VIL1: variants seen among roughly 807,000 people sequenced by gnomAD.
VIL1 encodes villin 1.
Under a neutral mutation model 104.0 loss-of-function variants are expected in VIL1, and 86 were observed. The observed-to-expected ratio is 0.83, with a 90% CI of 0.69 to 0.99. The LOEUF (loss-of-function observed/expected upper bound fraction) is 0.99, where lower values mean the gene tolerates loss of function less well. VIL1 is among the 50% of genes least tolerant of loss of function. VIL1 has a pLI of 0.00. For synonymous variants in VIL1, 394 were observed against 412.6 expected (o/e 0.95, Z 0.55); for missense variants, 944 against 1,054.1 (o/e 0.90, Z 1.45).
intron 1 of VIL1, among the ~76,000 whole-genome samples, chr2:218,420,578 GT>G (rs71064448): frequency 0.86 from 112,762 of 131,106 alleles, 48,002 homozygotes; most frequent in Middle Eastern, 0.92. Context: ...ATGAGTATTT[GT>G]TTTTTTTTTT....
chr2:218,440,269 A>T (rs1689264302), intron 18 of VIL1, among the ~76,000 whole-genome samples: 1 of 151,954 alleles, frequency 6.6e-6, no homozygotes, highest in South Asian at 2.1e-4. Flanking sequence ...ACTAAGCTCT[A>T]TGTTGTTGTT....
chr2:218,448,929 C>T (rs1208646862), intron 19 of VIL1, among the ~76,000 whole-genome samples: 1 of 151,564 alleles, frequency 6.6e-6, no homozygotes, highest in African/African-American at 2.4e-5. Context: ...CACTTGAAAC[C>T]AGGAGGCGGA....
Position 218,437,283 on chromosome 2 carries a change from T to C in VIL1, c.2131T>C (p.Phe711Leu). The C allele has an allele frequency of 1.2e-6, 2 of 1,614,072 alleles. No homozygotes were observed. Among genetic ancestry groups the C allele is most frequent in the East Asian group, 2.2e-5 (1 of 44,892 alleles). The change falls in exon 17 of 20, where the codon TTC becomes CTC. Residue 711 changes from phenylalanine to leucine, a missense_variant. Transcript: ENST00000248444. ...GHEPPTFTGW[F>L]LAWDPFKWSN... ...CGAGCCCCCCACCTTCACAGGCTGG[T>C]TCCTGGCTTGGGATCCCTTCAAGTG...
chr2:218,436,759 AACACCAG>A, intron 16 of VIL1, 133 bp downstream of exon 16: 1 of 1,183,252 alleles, frequency 8.5e-7, no homozygotes, highest in Non-Finnish European at 1.2e-6. Context: ...AAATGGTATG[AACACCAG>A]AAGTGTAAGA....
intron 9 of VIL1, among the ~76,000 whole-genome samples, chr2:218,430,475 G>C (rs192262216): frequency 6.6e-6 from 1 of 152,112 alleles, no homozygotes; most frequent in Admixed American, 6.6e-5. Context: ...TTCGGTATTA[G>C]ATTTGAAGCT....
At chr2:218,439,993 C>T (rs1689260596) in intron 18 of VIL1, among the ~76,000 whole-genome samples, 1 of 152,046 alleles carries the variant, frequency 6.6e-6, no homozygotes, top group Admixed American at 6.6e-5. Flanking sequence ...AGAGCAAGTT[C>T]ACAAGCACAC....
At chr2:218,434,197 C>CAA (rs772237911) in intron 13 of VIL1, among the ~76,000 whole-genome samples, 19 of 92,094 alleles carry the variant, frequency 2.1e-4, no homozygotes, top group African/African-American at 4.4e-4. Flanking sequence ...AACTCCGTCT[C>CAA]AAAAAAAAAA....
In VIL1 at chr2:218,429,833, C is replaced by A; in HGVS notation, c.850-16C>A. ...CACCTCCAGCTCCATCAGACTCTTA[C>A]CTCTCCCGACTCTAGGACTGTTACA... On this transcript the variant is annotated splice_polypyrimidine_tract_variant and intron_variant, in intron 8 of 19. Transcript: ENST00000248444. 1 of 1,610,666 alleles carries A rather than the reference C, an allele frequency of 6.2e-7. No homozygotes were observed. The highest frequency in any genetic ancestry group is 8.5e-7 in the Non-Finnish European group (1 of 1,177,136).
At chr2:218,448,459 G>A (rs1353041316) in intron 19 of VIL1, among the ~76,000 whole-genome samples, 1 of 151,988 alleles carries the variant, frequency 6.6e-6, no homozygotes, top group Non-Finnish European at 1.5e-5. Flanking sequence ...TAGCTACTCA[G>A]GAGGCTGAGG....
chr2:218,428,817 G>A (rs759814703), intron 6 of VIL1, among the ~76,000 whole-genome samples: 2 of 152,130 alleles, frequency 1.3e-5, no homozygotes, highest in Admixed American at 6.5e-5. Context: ...GATTACAGGC[G>A]TGCATCACCA....
rs1037302411 is a variant in VIL1 at position 218,451,447 on chromosome 2, T to A, written c.*2111T>A. 1 of 152,184 alleles carries A rather than the reference T, an allele frequency of 6.6e-6. No homozygotes were observed. Among genetic ancestry groups the A allele is most frequent in the East Asian group, 1.9e-4 (1 of 5,208 alleles). 9.4% of individuals were successfully genotyped at this position (152,184 alleles called of 1,614,324 possible). ...TAACTAAGAGTATCTACTGCAGTCA[T>A]TTCAGAGGACAGAGAAGGAAAATAT... On this transcript the variant is annotated 3_prime_UTR_variant, in exon 20 of 20. Transcript: ENST00000248444.
chr2:218,423,798 A>G lies in VIL1; in HGVS notation c.20A>G (p.Gln7Arg), dbSNP rs1688932516. 1 of 1,614,072 alleles carries G rather than the reference A, an allele frequency of 6.2e-7. No homozygotes were observed. Among genetic ancestry groups the G allele is most frequent in the East Asian group, 2.2e-5 (1 of 44,866 alleles). Residue 7 changes from glutamine to arginine, a missense_variant, in exon 2 of 20, where the codon CAA becomes CGA. Physicochemically the swap from Gln to Arg is conservative, Grantham distance 43. Transcript: ENST00000248444. ...CTCACCATGACCAAGCTGAGCGCCCAAGTCAAAGGCTCTCTCAACATCACC... is the reference window on the plus strand; with the variant it reads ...CTCACCATGACCAAGCTGAGCGCCCGAGTCAAAGGCTCTCTCAACATCACC... The part of the protein sequence containing the change: MTKLSA[Q>R]VKGSLNITTP...
chr2:218,449,361 A>G lies in VIL1; in HGVS notation c.*25A>G, dbSNP rs1413659279. 9 of 1,555,476 alleles carry G rather than the reference A, an allele frequency of 5.8e-6. No individual in the cohort carries two copies. The highest frequency in any genetic ancestry group is 1.7e-5 in the Admixed American group (1 of 59,896). On this transcript the variant is annotated 3_prime_UTR_variant, in exon 20 of 20. Coordinates refer to ENST00000248444, the MANE Select transcript of VIL1 (RefSeq NM_007127.3). ...AGAAGAGTAGCTGTGGTTGTAAAGCAGTACCCTACCCTGATTGTAGGGTCT... is the reference window on the plus strand; with the variant it reads ...AGAAGAGTAGCTGTGGTTGTAAAGCGGTACCCTACCCTGATTGTAGGGTCT...
chr2:218,450,195 G>A lies in VIL1; in HGVS notation c.*859G>A, dbSNP rs1574823101. ...AGGTGATTTCCACAACTTTGAACAG[G>A]TTGTTACAAGTATCAGCAAGAATGT... is the stretch of plus-strand genomic sequence containing the variant. On this transcript the variant is annotated 3_prime_UTR_variant, in exon 20 of 20. Coordinates refer to ENST00000248444, the MANE Select transcript of VIL1 (RefSeq NM_007127.3). The A allele has an allele frequency of 6.6e-6, 1 of 152,252 alleles. No individual in the cohort carries two copies. 9.4% of individuals were successfully genotyped at this position (152,252 alleles called of 1,614,324 possible).
intron 19 of VIL1, among the ~76,000 whole-genome samples, chr2:218,444,043 G>A (rs1323980074): frequency 6.6e-6 from 1 of 152,108 alleles, no homozygotes; most frequent in Non-Finnish European, 1.5e-5. Context: ...TCGGCTCACT[G>A]CAACCTCCAC....
At chr2:218,449,062 C>T (rs1040210537) in intron 19 of VIL1, among the ~76,000 whole-genome samples, 161 bp from the exon 20 acceptor site, 3 of 152,050 alleles carry the variant, frequency 2.0e-5, no homozygotes, top group Admixed American at 1.3e-4. Flanking sequence ...TACTCTCCTC[C>T]TCTCCATCCC....
At chr2:218,427,390 C>A (rs141110684) in intron 4 of VIL1, among the ~76,000 whole-genome samples, 1 of 148,728 alleles carries the variant, frequency 6.7e-6, no homozygotes, top group East Asian at 2.0e-4. Flanking sequence ...ATGGTGCGAT[C>A]TCGGCTCACT....
chr2:218,421,025 G>A (rs778616753), intron 1 of VIL1, among the ~76,000 whole-genome samples: 4 of 152,164 alleles, frequency 2.6e-5, no homozygotes, highest in Non-Finnish European at 4.4e-5. Context: ...CAAGAGAAGG[G>A]ACAGTCCAGG....
In VIL1 at chr2:218,438,740, G is replaced by A. The variant is rs374655233; in HGVS notation, c.2229+14G>A. The stretch of plus-strand genomic sequence containing the variant: ...CAGATCACTGCTGTGAGTCCGGGGC[G>A]GGGTGGCTGGGCCCTGCAGTGGCCA... On this transcript the variant is annotated intron_variant, in intron 18 of 19. Transcript: ENST00000248444. The A allele has an allele frequency of 3.3e-5, 53 of 1,606,336 alleles. No homozygotes were observed. The highest frequency in any genetic ancestry group is 1.7e-4 in the Middle Eastern group (1 of 5,784).
Sources: gnomAD v4.1 joint callset for allele counts (sites outside exome capture counted in the v4.1 genomes callset) on GRCh38, gnomAD v4.1.1 for gene constraint, MANE v1.5 for transcripts, NCBI Gene and HGNC (gene_info 2026-07-23, HGNC 2026-07-21) for gene names.